The following SLC36A1 variants were observed in gnomAD, a reference collection of about 807,000 sequenced individuals.
SLC36A1 encodes solute carrier family 36 member 1, also known as proton-coupled amino acid transporter 1.
In SLC36A1, 30 loss-of-function variants were observed where a neutral mutation model predicts 47.5. The ratio of observed to expected loss-of-function variants is 0.63; its 90% confidence interval spans 0.47 to 0.86. The LOEUF is 0.86. SLC36A1 is among the 40% of genes least tolerant of loss of function. SLC36A1 has a pLI of 0.00. For missense variants in SLC36A1, 517 were observed against 606.0 expected (o/e 0.85, Z 1.54); for synonymous variants, 255 against 249.7 (o/e 1.02, Z -0.20).
chr5:151,545,708 G>C, the SLC36A1 span: 1 of 1,614,112 alleles, frequency 6.2e-7, no homozygotes, highest in Non-Finnish European at 8.5e-7. Flanking sequence ...AAGGCCTCCG[G>C]CTCCAAAATT....
intron 9 of SLC36A1, among the ~76,000 whole-genome samples, chr5:151,477,809 C>T (rs953497579): frequency 2.0e-5 from 3 of 152,212 alleles, no homozygotes; most frequent in African/African-American, 7.2e-5. Context: ...AACTGTGTCA[C>T]CTTTCCCTGG....
chr5:151,456,671 C>G (rs750080122), intron 1 of SLC36A1, among the ~76,000 whole-genome samples: 6 of 152,132 alleles, frequency 3.9e-5, no homozygotes, highest in Non-Finnish European at 7.3e-5. Context: ...GTGGCTCTGG[C>G]AATGAAGCTA....
chr5:151,399,085 T>TATA, the SLC36A1 span, among the ~76,000 whole-genome samples: 22 of 59,616 alleles, frequency 3.7e-4, no homozygotes, highest in African/African-American at 1.4e-3. Flanking sequence ...TATATATATA[T>TATA]TTTTTTTTTT....
the SLC36A1 span, among the ~76,000 whole-genome samples, chr5:151,382,628 G>C: frequency 2.6e-5 from 4 of 152,142 alleles, no homozygotes; most frequent in African/African-American, 9.7e-5. Context: ...GTGCATGTGG[G>C]CACATGTGCT....
the SLC36A1 span, among the ~76,000 whole-genome samples, chr5:151,396,242 A>G: frequency 1.3e-5 from 2 of 152,014 alleles, no homozygotes; most frequent in Non-Finnish European, 2.9e-5. Context: ...CCTCCCAAGT[A>G]GCTGGGACTG....
the SLC36A1 span, among the ~76,000 whole-genome samples, chr5:151,500,399 G>A: frequency 7.9e-5 from 12 of 152,050 alleles, no homozygotes; most frequent in Non-Finnish European, 1.2e-4. Flanking sequence ...ACGGAATCTC[G>A]TTCTGTCACC....
chr5:151,507,484 T>C, the SLC36A1 span: 3 of 1,613,902 alleles, frequency 1.9e-6, no homozygotes, highest in African/African-American at 4.0e-5. Flanking sequence ...AGCCCGACAG[T>C]GCTTATGATA....
the SLC36A1 span, among the ~76,000 whole-genome samples, chr5:151,409,307 TG>T: frequency 1.3e-5 from 2 of 151,364 alleles, no homozygotes; most frequent in African/African-American, 4.9e-5. Flanking sequence ...CTGGTTGGGG[TG>T]GGGGGGATAG....
the SLC36A1 span, among the ~76,000 whole-genome samples, chr5:151,523,138 A>C: frequency 6.6e-6 from 1 of 152,162 alleles, no homozygotes; most frequent in African/African-American, 2.4e-5. Flanking sequence ...TTTAATGTAC[A>C]AGAAAGTTGA....
the SLC36A1 span, among the ~76,000 whole-genome samples, chr5:151,421,641 A>G: frequency 1.4e-5 from 2 of 146,718 alleles, no homozygotes; most frequent in South Asian, 4.3e-4. Flanking sequence ...CAGGCTCTGG[A>G]GTGCAGTGGT....
chr5:151,397,697 G>C, the SLC36A1 span, among the ~76,000 whole-genome samples: 1 of 129,388 alleles, frequency 7.7e-6, no homozygotes, highest in Admixed American at 9.4e-5. Context: ...CCGGGAGGCA[G>C]AAGTTGCAGT....
chr5:151,348,381 A>T, the SLC36A1 span, among the ~76,000 whole-genome samples: 2 of 152,192 alleles, frequency 1.3e-5, no homozygotes, highest in Non-Finnish European at 2.9e-5. Flanking sequence ...GTGCAGATGA[A>T]CAGGCCAAAA....
chr5:151,386,756 CTTCAGTCT>C, the SLC36A1 span, among the ~76,000 whole-genome samples: 3 of 152,236 alleles, frequency 2.0e-5, no homozygotes, highest in Admixed American at 2.0e-4. Context: ...GTCCCACTGA[CTTCAGTCT>C]CAGGCTCTGC....
the SLC36A1 span, chr5:151,510,140 C>A: frequency 6.2e-7 from 1 of 1,614,126 alleles, no homozygotes; most frequent in East Asian, 2.2e-5. Context: ...CACAGTGCTT[C>A]CCAGAGAACT....
At chr5:151,521,848 G>T in the SLC36A1 span, 2 of 1,614,062 alleles carry the variant, frequency 1.2e-6, no homozygotes, top group Non-Finnish European at 1.7e-6. Context: ...GCCATCAGGC[G>T]CACCCACTGA....
chr5:151,398,985 A>G, the SLC36A1 span, among the ~76,000 whole-genome samples: 83 of 150,596 alleles, frequency 5.5e-4, 1 homozygote, highest in Non-Finnish European at 3.8e-4. Flanking sequence ...AAAGATTAGC[A>G]CATTTGCTTT....
chr5:151,516,046 T>G, the SLC36A1 span, among the ~76,000 whole-genome samples: 1 of 152,190 alleles, frequency 6.6e-6, no homozygotes, highest in Non-Finnish European at 1.5e-5. Context: ...AACCCATTGC[T>G]TAAACATGCT....
At chr5:151,363,773 A>G in the SLC36A1 span, among the ~76,000 whole-genome samples, 2 of 152,204 alleles carry the variant, frequency 1.3e-5, no homozygotes, top group Admixed American at 6.5e-5. Flanking sequence ...TATGGATCCC[A>G]TGGTGTTATT....
chr5:151,510,367 A>C, the SLC36A1 span: 1 of 569,946 alleles, frequency 1.8e-6, no homozygotes, highest in Non-Finnish European at 3.1e-6. Context: ...CTGCCCTCAA[A>C]CAGCTTACAG....
Sources: allele counts gnomAD v4.1 joint callset (sites outside exome capture counted in the v4.1 genomes callset), GRCh38; gene constraint gnomAD v4.1.1; transcripts MANE v1.5; gene names NCBI Gene and HGNC (gene_info 2026-07-23, HGNC 2026-07-21).